Variants in PCED1B observed in about 807,000 individuals in gnomAD.
PCED1B encodes PC-esterase domain-containing protein 1B.
For synonymous variants in PCED1B, 251 were observed against 246.1 expected (o/e 1.02, Z -0.19); for missense variants, 573 against 573.9 (o/e 1.00, Z 0.02).
intron 3 of PCED1B, among the ~76,000 whole-genome samples, chr12:47,217,531 G>GAGAGA (rs1943333562): frequency 9.9e-6 from 1 of 100,898 alleles, no homozygotes; most frequent in Non-Finnish European, 2.0e-5. Flanking sequence ...AAGAGAAAGA[G>GAGAGA]AGAAAAGAAA....
At position 47,122,294 on chromosome 12, in the gene PCED1B, A is replaced by G. The variant is rs371679909; in HGVS notation, c.-526+18099A>G. On this transcript the variant is annotated intron_variant, in intron 2 of 3. Coordinates refer to ENST00000546455, the MANE Select transcript of PCED1B (RefSeq NM_138371.3). ...TTTTAAGCACCACAGCAGATTTACC[A>G]CTGACATACAGGTTTACACCACAGA... Among the ~76,000 whole-genome samples the G allele has an allele frequency of 1.2e-4, 19 of 152,254 alleles. No homozygotes were observed. In the East Asian group the frequency reaches 2.3e-3, roughly 19 times the overall value.
chr12:47,183,675 G>T (rs1159551554), intron 2 of PCED1B, among the ~76,000 whole-genome samples: 2 of 152,002 alleles, frequency 1.3e-5, no homozygotes, highest in African/African-American at 4.8e-5. Flanking sequence ...TCACATCCTG[G>T]TAACTTTCAC....
chr12:47,228,413 A>G (rs1397146114), intron 3 of PCED1B, among the ~76,000 whole-genome samples: 1 of 152,086 alleles, frequency 6.6e-6, no homozygotes, highest in Non-Finnish European at 1.5e-5. Flanking sequence ...TTCACCACCC[A>G]TCCCCTCCCT....
intron 2 of PCED1B, among the ~76,000 whole-genome samples, chr12:47,178,075 T>C (rs917612419): frequency 6.6e-6 from 1 of 152,140 alleles, no homozygotes; most frequent in Non-Finnish European, 1.5e-5. Context: ...GGACTCTAAA[T>C]GTAATCAGAT....
At chr12:47,217,500 G>GAA (rs1399446564) in intron 3 of PCED1B, among the ~76,000 whole-genome samples, 1 of 116,144 alleles carries the variant, frequency 8.6e-6, no homozygotes, top group Non-Finnish European at 1.7e-5. Context: ...AAGAAAGAAA[G>GAA]AAAGAAAGAA....
chr12:47,106,485 C>T (rs1938952826), intron 2 of PCED1B, among the ~76,000 whole-genome samples: 3 of 152,144 alleles, frequency 2.0e-5, no homozygotes, highest in South Asian at 2.1e-4. Flanking sequence ...CCAGCTCCCT[C>T]GGAACAGCCC....
chr12:47,195,828 T>C (rs1014655220), intron 2 of PCED1B, among the ~76,000 whole-genome samples: 1 of 152,262 alleles, frequency 6.6e-6, no homozygotes, highest in Non-Finnish European at 1.5e-5. Flanking sequence ...CATTATTCAT[T>C]TTATTATGCC....
At chr12:47,100,223 A>G (rs959395898) in intron 1 of PCED1B, among the ~76,000 whole-genome samples, 1 of 152,194 alleles carries the variant, frequency 6.6e-6, no homozygotes, top group Non-Finnish European at 1.5e-5. Flanking sequence ...CAGAACACTC[A>G]AAAGTCATAT....
At position 47,191,810 on chromosome 12, in the gene PCED1B, CT is replaced by C. The variant is rs370938071; in HGVS notation, c.-525-24402del. On this transcript the variant is annotated intron_variant, in intron 2 of 3. Coordinates refer to ENST00000546455, the MANE Select transcript of PCED1B (RefSeq NM_138371.3). ...GGTTTTTTTGTTTTGTTGTGTTGTG[CT>C]TTTTTTTTTAAGGACCTGGTGATTC... is the stretch of plus-strand genomic sequence containing the variant. Among the ~76,000 whole-genome samples, 657 of 149,840 alleles carry C rather than the reference CT, an allele frequency of 4.4e-3. 7 individuals are homozygous for C. Among genetic ancestry groups the C allele is most frequent in the African/African-American group, 0.015 (621 of 40,890 alleles).
intron 2 of PCED1B, among the ~76,000 whole-genome samples, chr12:47,165,430 A>G (rs763454746): frequency 3.9e-5 from 6 of 152,194 alleles, no homozygotes; most frequent in Non-Finnish European, 8.8e-5. Context: ...ATATGTTCCT[A>G]AAGAGTGAAT....
chr12:47,084,088 CA>C (rs921927897), intron 1 of PCED1B, among the ~76,000 whole-genome samples: 9 of 151,782 alleles, frequency 5.9e-5, no homozygotes, highest in South Asian at 2.1e-4. Context: ...GATTACATTC[CA>C]AAAAAAACTC....
intron 2 of PCED1B, among the ~76,000 whole-genome samples, chr12:47,182,636 A>T (rs1418954382): frequency 6.6e-6 from 1 of 152,062 alleles, no homozygotes; most frequent in Non-Finnish European, 1.5e-5. Context: ...TGAGTGCTTT[A>T]TACCTATTAT....
intron 2 of PCED1B, among the ~76,000 whole-genome samples, chr12:47,178,353 G>T (rs1652374752): frequency 6.6e-6 from 1 of 152,274 alleles, no homozygotes; most frequent in Non-Finnish European, 1.5e-5. Context: ...CAAGTGCAAA[G>T]CACCCACTTG....
At chr12:47,152,053 A>G (rs1231140618) in intron 2 of PCED1B, among the ~76,000 whole-genome samples, 3 of 152,248 alleles carry the variant, frequency 2.0e-5, no homozygotes, top group Non-Finnish European at 4.4e-5. Flanking sequence ...ATTCCAATTT[A>G]TAAATGCAGA....
At chr12:47,230,604 G>C (rs369895503) in intron 3 of PCED1B, among the ~76,000 whole-genome samples, 2 of 152,028 alleles carry the variant, frequency 1.3e-5, no homozygotes, top group East Asian at 1.9e-4. Flanking sequence ...ACCATGCCTG[G>C]CTAATTTTTG....
chr12:47,205,363 A>G (rs1180393079), intron 2 of PCED1B, among the ~76,000 whole-genome samples: 1 of 152,178 alleles, frequency 6.6e-6, no homozygotes, highest in African/African-American at 2.4e-5. Flanking sequence ...CCCAGGAGCA[A>G]TTTGGAAAGG....
chr12:47,154,896 C>G (rs1292484380), intron 2 of PCED1B, among the ~76,000 whole-genome samples: 1 of 151,814 alleles, frequency 6.6e-6, no homozygotes, highest in Non-Finnish European at 1.5e-5. Context: ...TACTTTCTTG[C>G]CTGGTTCCAT....
chr12:47,126,243 A>C (rs950969550), intron 2 of PCED1B, among the ~76,000 whole-genome samples: 5 of 152,046 alleles, frequency 3.3e-5, no homozygotes. Context: ...GATTTTGCCA[A>C]ATGCTTTCTT....
Position 47,236,331 on chromosome 12 carries a change from C to T in PCED1B, c.1268C>T (p.Ala423Val). 1 of 1,608,956 alleles carries T rather than the reference C, an allele frequency of 6.2e-7. No individual in the cohort carries two copies. The highest frequency in any genetic ancestry group is 8.5e-7 in the Non-Finnish European group (1 of 1,177,776). ...GQRPRPSKRR[A>V]PANPEPRPQ ...CGGCCTCGACCTTCAAAGAGAAGGGCCCCAGCCAATCCTGAGCCAAGGCCT... is the reference window on the plus strand; with the variant it reads ...CGGCCTCGACCTTCAAAGAGAAGGGTCCCAGCCAATCCTGAGCCAAGGCCT... Residue 423 changes from alanine to valine, a missense_variant, in exon 4 of 4, where the codon GCC becomes GTC. Ala to Val is a moderately conservative substitution (Grantham distance 64, BLOSUM62 0). Transcript: ENST00000546455.
Sources: gnomAD v4.1 joint callset for allele counts (sites outside exome capture counted in the v4.1 genomes callset) on GRCh38, gnomAD v4.1.1 for gene constraint, MANE v1.5 for transcripts, NCBI Gene and HGNC (gene_info 2026-07-23, HGNC 2026-07-21) for gene names.